Variants in KLF12 observed in about 807,000 individuals in gnomAD.
The protein encoded by KLF12 is KLF transcription factor 12.
KLF12 carries 9 observed loss-of-function variants against 37.8 expected under a neutral mutation model. That is an observed-to-expected ratio of 0.24 (90% CI 0.14 to 0.42). KLF12 has a LOEUF of 0.42. Among genes scored for constraint, KLF12 ranks in the 10% least tolerant of loss-of-function variants. The pLI, the probability that KLF12 is intolerant of heterozygous loss-of-function variation, is 1.00. For synonymous variants in KLF12, 208 were observed against 202.1 expected, an observed-to-expected ratio of 1.03 and a Z score of -0.25; for missense variants, 411 against 516.0, an observed-to-expected ratio of 0.80 and a Z score of 1.97.
At chr13:74,129,692 A>G (rs1016891676) in intron 1 of KLF12, among the ~76,000 whole-genome samples, 2 of 152,302 alleles carry the variant, frequency 1.3e-5, no homozygotes, top group East Asian at 3.9e-4. Context: ...TAAGTTGAAA[A>G]AAAAAAAAAG....
At chr13:74,203,780 G>A in the KLF12 span, among the ~76,000 whole-genome samples, 21 of 152,066 alleles carry the variant, frequency 1.4e-4, no homozygotes, top group African/African-American at 5.1e-4. Flanking sequence ...TCAGGTTACA[G>A]AGACAGAGAG....
At chr13:74,014,909 G>A (rs1173350204) in intron 1 of KLF12, among the ~76,000 whole-genome samples, 3 of 152,174 alleles carry the variant, frequency 2.0e-5, no homozygotes, top group Non-Finnish European at 4.4e-5. Flanking sequence ...AAGCTGTGAG[G>A]TTAAGAGTTT....
At chr13:74,093,108 C>G (rs1464243897) in intron 1 of KLF12, among the ~76,000 whole-genome samples, 1 of 152,196 alleles carries the variant, frequency 6.6e-6, no homozygotes, top group African/African-American at 2.4e-5. Flanking sequence ...TGGAGACCTA[C>G]CTACATCTGA....
At chr13:73,744,741 C>T (rs1255213941) in intron 6 of KLF12, among the ~76,000 whole-genome samples, 1 of 152,154 alleles carries the variant, frequency 6.6e-6, no homozygotes, top group Non-Finnish European at 1.5e-5. Context: ...ATGCTCAGCA[C>T]TTGCCAAACC....
chr13:74,161,156 T>C, the KLF12 span, among the ~76,000 whole-genome samples: 3 of 149,750 alleles, frequency 2.0e-5, no homozygotes, highest in African/African-American at 7.4e-5. Flanking sequence ...TTGAGAAAGG[T>C]GGTTTAGTTA....
chr13:74,305,157 A>G, the KLF12 span, among the ~76,000 whole-genome samples: 2 of 152,020 alleles, frequency 1.3e-5, no homozygotes, highest in Non-Finnish European at 2.9e-5. Flanking sequence ...TCTGTACTTC[A>G]TGTTGCTAGA....
intron 3 of KLF12, among the ~76,000 whole-genome samples, chr13:73,877,263 C>A (rs557206222): frequency 7.8e-4 from 118 of 152,200 alleles, no homozygotes; most frequent in African/African-American, 2.6e-3. Flanking sequence ...TATAAAAATC[C>A]TATCAATCAG....
At chr13:73,777,183 C>T (rs957207961) in intron 5 of KLF12, among the ~76,000 whole-genome samples, 1 of 151,978 alleles carries the variant, frequency 6.6e-6, no homozygotes, top group African/African-American at 2.4e-5. Context: ...TTTGTGCAGG[C>T]GTGGAGAGGC....
chr13:74,239,240 G>A, the KLF12 span, among the ~76,000 whole-genome samples: 1 of 152,072 alleles, frequency 6.6e-6, no homozygotes, highest in Non-Finnish European at 1.5e-5. Context: ...TTTCCATGTA[G>A]TTGAGCCGTT....
chr13:73,906,447 C>A (rs1888302478), intron 3 of KLF12, among the ~76,000 whole-genome samples: 1 of 152,122 alleles, frequency 6.6e-6, no homozygotes, highest in African/African-American at 2.4e-5. Context: ...GACTCACCTG[C>A]CTCTTAATCT....
the KLF12 span, among the ~76,000 whole-genome samples, chr13:74,152,935 C>T: frequency 6.7e-6 from 1 of 149,018 alleles, no homozygotes; most frequent in Non-Finnish European, 1.5e-5. Context: ...ATAATAAAAA[C>T]AGAGGGCTCT....
intron 3 of KLF12, among the ~76,000 whole-genome samples, chr13:73,919,849 T>C (rs9318226): frequency 0.5 from 75,700 of 151,980 alleles, 19,678 homozygotes; most frequent in Admixed American, 0.57. Context: ...GGAGATTATA[T>C]CCTTAGATTC....
chr13:74,161,068 C>CTTTTTTT, the KLF12 span, among the ~76,000 whole-genome samples: 1 of 139,494 alleles, frequency 7.2e-6, no homozygotes, highest in African/African-American at 2.7e-5. Context: ...TCAGGAGAGT[C>CTTTTTTT]TTTTTTTTTT....
intron 1 of KLF12, among the ~76,000 whole-genome samples, chr13:74,012,723 A>T (rs1400151855): frequency 6.6e-6 from 1 of 152,246 alleles, no homozygotes; most frequent in Admixed American, 6.5e-5. Context: ...CATAATTTTC[A>T]TAACAGGTAA....
At chr13:74,015,939 G>A (rs1381911090) in intron 1 of KLF12, among the ~76,000 whole-genome samples, 2 of 151,978 alleles carry the variant, frequency 1.3e-5, no homozygotes, top group East Asian at 3.9e-4. Flanking sequence ...TTTTATCATG[G>A]TAAAGGCATT....
intron 3 of KLF12, among the ~76,000 whole-genome samples, chr13:73,860,080 C>T (rs1594180734): frequency 1.3e-5 from 2 of 152,220 alleles, no homozygotes; most frequent in South Asian, 2.1e-4. Context: ...AGGATACATG[C>T]CTGAGTTCCG....
intron 2 of KLF12, chr13:73,960,372 G>GCTTTGTTTT (rs1890984945): frequency 3.4e-6 from 1 of 293,544 alleles, no homozygotes; most frequent in Non-Finnish European, 7.8e-6. Context: ...TTTTTCACTT[G>GCTTTGTTTT]CTTTGACATG....
chr13:73,829,861 A>G (rs1701897926), intron 4 of KLF12, among the ~76,000 whole-genome samples: 1 of 152,372 alleles, frequency 6.6e-6, no homozygotes, highest in South Asian at 2.1e-4. Context: ...ATAGAACACA[A>G]TACTGAAAAA....
chr13:73,726,638 C>A (rs916667502), intron 6 of KLF12, among the ~76,000 whole-genome samples: 1 of 152,150 alleles, frequency 6.6e-6, no homozygotes, highest in African/African-American at 2.4e-5. Context: ...AATAATATTC[C>A]ATTTATGGAT....
Sources: gnomAD v4.1 joint callset for allele counts (sites outside exome capture counted in the v4.1 genomes callset) on GRCh38, gnomAD v4.1.1 for gene constraint, MANE v1.5 for transcripts, NCBI Gene and HGNC (gene_info 2026-07-23, HGNC 2026-07-21) for gene names.